The following FLRT1 variants were observed in gnomAD, a reference collection of about 807,000 sequenced individuals.
FLRT1 encodes the protein fibronectin leucine rich transmembrane protein 1.
A neutral mutation model predicts 30.9 loss-of-function variants in FLRT1; 14 were observed. The observed-to-expected ratio is 0.45, with a 90% confidence interval of 0.30 to 0.71. The LOEUF (loss-of-function observed/expected upper bound fraction) is 0.71, where lower values mean the gene tolerates loss of function less well. FLRT1 is among the 30% of genes least tolerant of loss of function. FLRT1 has a pLI of 0.08. For synonymous variants in FLRT1, 368 were observed against 430.4 expected (o/e 0.85, Z 1.80); for missense variants, 737 against 949.2 (o/e 0.78, Z 2.94).
chr11:64,109,153 G>T (rs1944816331), intron 2 of FLRT1, among the ~76,000 whole-genome samples: 1 of 152,108 alleles, frequency 6.6e-6, no homozygotes, highest in African/African-American at 2.4e-5. Context: ...CAGGGATGGG[G>T]GGCTATTTCC....
chr11:64,071,236 G>A (rs983627561), intron 1 of FLRT1, among the ~76,000 whole-genome samples: 1 of 151,946 alleles, frequency 6.6e-6, no homozygotes, highest in African/African-American at 2.4e-5. Flanking sequence ...ACCCTGTCAG[G>A]TACCTCTCTC....
chr11:64,051,949 G>A (rs1020058165), intron 1 of FLRT1, among the ~76,000 whole-genome samples: 3 of 151,830 alleles, frequency 2.0e-5, no homozygotes, highest in East Asian at 1.9e-4. Context: ...ACTGGTGCCC[G>A]GACAGTGTTA....
At chr11:64,105,835 T>C (rs1439977369) in intron 2 of FLRT1, among the ~76,000 whole-genome samples, 1 of 152,172 alleles carries the variant, frequency 6.6e-6, no homozygotes, top group African/African-American at 2.4e-5. Flanking sequence ...GGGAGGGCTC[T>C]GTCTCCACCC....
chr11:64,052,696 C>T (rs914234157), intron 1 of FLRT1, among the ~76,000 whole-genome samples: 6 of 152,220 alleles, frequency 3.9e-5, no homozygotes, highest in African/African-American at 7.2e-5. Flanking sequence ...GAGGAAATGG[C>T]GCTTAGAGAA....
At chr11:64,092,715 AC>A (rs1944511099) in intron 1 of FLRT1, among the ~76,000 whole-genome samples, 1 of 152,192 alleles carries the variant, frequency 6.6e-6, no homozygotes, top group East Asian at 1.9e-4. Flanking sequence ...ACTGCATGTC[AC>A]CAGCACCAGG....
chr11:64,102,737 C>A (rs1944691958), intron 1 of FLRT1, among the ~76,000 whole-genome samples: 1 of 152,156 alleles, frequency 6.6e-6, no homozygotes, highest in Admixed American at 6.5e-5. Flanking sequence ...ATAACCCCAG[C>A]CCCTTCCCCG....
At chr11:64,092,249 C>G (rs980167175) in intron 1 of FLRT1, among the ~76,000 whole-genome samples, 1 of 152,172 alleles carries the variant, frequency 6.6e-6, no homozygotes, top group Non-Finnish European at 1.5e-5. Flanking sequence ...CTGTCTGCCT[C>G]TTAAAAAAAT....
intron 2 of FLRT1, among the ~76,000 whole-genome samples, chr11:64,110,086 G>C (rs1373839778): frequency 1.3e-5 from 2 of 152,066 alleles, no homozygotes; most frequent in Non-Finnish European, 2.9e-5. Context: ...CCATGTAAGG[G>C]CCCCTATTAT....
intron 1 of FLRT1, among the ~76,000 whole-genome samples, chr11:64,046,786 G>A (rs1239364372): frequency 2.6e-5 from 4 of 152,132 alleles, no homozygotes; most frequent in African/African-American, 4.8e-5. Context: ...GGCGTGAGCC[G>A]CTGCGCCTGG....
intron 1 of FLRT1, among the ~76,000 whole-genome samples, chr11:64,059,838 C>T (rs1422852481): frequency 6.6e-6 from 1 of 152,216 alleles, no homozygotes; most frequent in Non-Finnish European, 1.5e-5. Flanking sequence ...AGGCCCGCCC[C>T]TAGGCGCTGA....
intron 2 of FLRT1, among the ~76,000 whole-genome samples, chr11:64,115,262 G>A (rs1323296030): frequency 6.6e-6 from 1 of 152,124 alleles, no homozygotes; most frequent in East Asian, 1.9e-4. Flanking sequence ...AATCTATGCT[G>A]CTATTTTTCC....
At position 64,116,521 on chromosome 11, in the gene FLRT1, C is replaced by T. The variant is rs1944984968; in HGVS notation, c.254C>T (p.Thr85Ile). Residue 85 changes from threonine (T) to isoleucine (I), a missense_variant, in exon 3 of 3, where the codon ACC becomes ATC. Physicochemically the swap from Thr to Ile is moderately conservative, Grantham distance 89. Transcript: ENST00000682287. Reference sequence around the variant, plus strand: ...GCAGATATCCCTGATGATGCCACCACCCTCTACCTGCAGAACAACCAGATC... The same window carrying T: ...GCAGATATCCCTGATGATGCCACCATCCTCTACCTGCAGAACAACCAGATC... ...IPADIPDDAT[T>I]LYLQNNQINN... is the part of the protein sequence containing the mutation. 1 of 1,614,064 alleles carries T rather than the reference C, an allele frequency of 6.2e-7. No homozygotes were observed. The highest frequency in any genetic ancestry group is 1.6e-4 in the Middle Eastern group (1 of 6,062).
rs549381132 is a variant in FLRT1, at chr11:64,067,006, T to C, written c.-1038+30847T>C. On this transcript the variant is annotated intron_variant, in intron 1 of 2. Coordinates refer to ENST00000682287, the MANE Select transcript of FLRT1 (RefSeq NM_013280.5). The surrounding 1 kb of genome is among the most constrained non-coding windows in gnomAD (Gnocchi z 4.6). The stretch of plus-strand genomic sequence containing the variant: ...GCATCCCAAGCCTCTGCCCTCACGC[T>C]AGGCAGTCCCTGGGGAGATTGGATG... Among the ~76,000 whole-genome samples, 1 of 152,196 alleles carries C rather than the reference T, an allele frequency of 6.6e-6. No individual in the cohort carries two copies. Among genetic ancestry groups the C allele is most frequent in the Non-Finnish European group, 1.5e-5 (1 of 68,022 alleles).
At chr11:64,038,933 C>G (rs1943433271) in intron 1 of FLRT1, among the ~76,000 whole-genome samples, 1 of 152,148 alleles carries the variant, frequency 6.6e-6, no homozygotes, top group Non-Finnish European at 1.5e-5. Context: ...GGGGAGGCAC[C>G]CACGTTGAGA....
intron 1 of FLRT1, among the ~76,000 whole-genome samples, chr11:64,041,715 C>G (rs184702841): frequency 2.4e-4 from 36 of 152,286 alleles, no homozygotes; most frequent in Non-Finnish European, 4.6e-4. Flanking sequence ...TGAGCTCTCT[C>G]AAGCGACATA....
chr11:64,087,592 C>T (rs1451209323), intron 1 of FLRT1, among the ~76,000 whole-genome samples: 2 of 152,210 alleles, frequency 1.3e-5, no homozygotes, highest in Non-Finnish European at 2.9e-5. Flanking sequence ...CAGCTTCACT[C>T]GCTGCAGCCT....
At chr11:64,079,823 C>G (rs1944272968) in intron 1 of FLRT1, among the ~76,000 whole-genome samples, 1 of 152,048 alleles carries the variant, frequency 6.6e-6, no homozygotes, top group African/African-American at 2.4e-5. Context: ...ACCACTTGGA[C>G]CCCAGGAAGG....
intron 1 of FLRT1, among the ~76,000 whole-genome samples, chr11:64,088,148 A>G (rs546226739): frequency 6.6e-6 from 1 of 152,286 alleles, no homozygotes; most frequent in East Asian, 1.9e-4. Context: ...GTGCTCTGCA[A>G]AAATAAAGTT....
chr11:64,043,814 C>CTT (rs113497225), intron 1 of FLRT1, among the ~76,000 whole-genome samples: 95 of 144,554 alleles, frequency 6.6e-4, no homozygotes, highest in African/African-American at 1.5e-3. Flanking sequence ...GACATGGCAT[C>CTT]TTTTTTTTTT....
Sources: allele counts gnomAD v4.1 joint callset (sites outside exome capture counted in the v4.1 genomes callset), GRCh38; gene constraint gnomAD v4.1.1; non-coding constraint Gnocchi (gnomAD v3.1); transcripts MANE v1.5; gene names NCBI Gene and HGNC (gene_info 2026-07-23, HGNC 2026-07-21).